DMD: variants seen among roughly 807,000 people sequenced by gnomAD.
DMD encodes dystrophin.
DMD carries 63 observed loss-of-function variants against 330.1 expected under a neutral mutation model. That is an observed-to-expected ratio of 0.19 (90% CI 0.16 to 0.24). The LOEUF (loss-of-function observed/expected upper bound fraction) is 0.24, where lower values mean the gene tolerates loss of function less well. Among genes scored for constraint, DMD ranks in the 10% least tolerant of loss-of-function variants. The probability of loss-of-function intolerance (pLI) is 1.00; values close to 1 mark genes in which losing one functional copy is unlikely to be tolerated. For synonymous variants in DMD, 1,223 were observed against 959.8 expected, an observed-to-expected ratio of 1.27 and a Z score of -5.07; for missense variants, 3,344 against 2,684.1, an observed-to-expected ratio of 1.25 and a Z score of -5.43.
intron 25 of DMD, among the ~76,000 whole-genome samples, chrX:32,456,845 G>A (rs1191660656): frequency 9.3e-6 from 1 of 107,356 alleles, no homozygotes; most frequent in East Asian, 2.9e-4. Flanking sequence ...GTATACATCA[G>A]GAATTTTGTT....
chrX:31,645,459 A>G (rs1466873047), intron 54 of DMD, among the ~76,000 whole-genome samples: 1 of 112,412 alleles, frequency 8.9e-6, no homozygotes, highest in Non-Finnish European at 1.9e-5. Context: ...TGGAGGAGTC[A>G]TAGAAAAAAA....
At chrX:32,799,588 G>C (rs2076400020) in intron 7 of DMD, among the ~76,000 whole-genome samples, 1 of 104,790 alleles carries the variant, frequency 9.5e-6, no homozygotes, top group African/African-American at 3.8e-5. Flanking sequence ...TCTTAATATA[G>C]GGAGGATTTT....
At chrX:32,713,538 G>A (rs1326164309) in intron 7 of DMD, among the ~76,000 whole-genome samples, 2 of 111,559 alleles carry the variant, frequency 1.8e-5, no homozygotes, top group African/African-American at 6.5e-5. Context: ...TTTCCTTTCA[G>A]CTACTATATA....
intron 2 of DMD, chrX:32,960,350 G>T (rs2147030273): frequency 9.0e-6 from 1 of 110,899 alleles, no homozygotes; most frequent in South Asian, 3.9e-4. Context: ...GCACAGACCT[G>T]AACAAAAAAC....
intron 60 of DMD, among the ~76,000 whole-genome samples, chrX:31,389,929 G>A (rs766327017): frequency 1.3e-4 from 15 of 111,906 alleles, no homozygotes; most frequent in African/African-American, 4.2e-4. Flanking sequence ...GTGCTTGAGT[G>A]CCATTCTAGA....
chrX:32,913,982 C>G (rs1376187100), intron 2 of DMD, among the ~76,000 whole-genome samples: 4 of 111,553 alleles, frequency 3.6e-5, no homozygotes, highest in Non-Finnish European at 5.6e-5. Context: ...CCTTACTTCC[C>G]CTGCCTCCCA....
intron 47 of DMD, among the ~76,000 whole-genome samples, chrX:31,881,538 C>T (rs1252437394): frequency 1.8e-5 from 2 of 112,268 alleles, no homozygotes; most frequent in Non-Finnish European, 3.8e-5. Flanking sequence ...CACCGACTCA[C>T]CCAGAGCAAC....
intron 39 of DMD, among the ~76,000 whole-genome samples, chrX:32,344,898 G>A (rs1465243679): frequency 1.8e-5 from 2 of 111,270 alleles, no homozygotes; most frequent in African/African-American, 6.5e-5. Context: ...GCACTCCCTC[G>A]AGGAAGAGGC....
intron 9 of DMD, among the ~76,000 whole-genome samples, chrX:32,687,195 G>C (rs1391247339): frequency 8.9e-6 from 1 of 111,997 alleles, no homozygotes; most frequent in Non-Finnish European, 1.9e-5. Flanking sequence ...ATCTGTACAA[G>C]CTTACCTAAA....
intron 74 of DMD, among the ~76,000 whole-genome samples, chrX:31,167,847 G>T (rs1391664865): frequency 8.9e-6 from 1 of 111,839 alleles, no homozygotes. Context: ...TAAGTACTCT[G>T]GAGGATATGA....
chrX:32,565,556 G>T, intron 16 of DMD, 146 bp downstream of exon 16: 1 of 563,521 alleles, frequency 1.8e-6, no homozygotes, highest in South Asian at 3.0e-5. Context: ...CAACAAGACA[G>T]GCAAAAGAAT....
At chrX:31,242,785 T>C (rs991538221) in intron 63 of DMD, among the ~76,000 whole-genome samples, 1 of 109,531 alleles carries the variant, frequency 9.1e-6, no homozygotes, top group Non-Finnish European at 1.9e-5. Flanking sequence ...ACCTAAGACA[T>C]CTAAAGTAAC....
intron 21 of DMD, among the ~76,000 whole-genome samples, chrX:32,476,978 A>G (rs2041304466): frequency 1.8e-5 from 2 of 111,513 alleles, no homozygotes; most frequent in African/African-American, 6.5e-5. Context: ...ATCTTAAAAG[A>G]CCTCGAGAGT....
At position 32,027,754 on chromosome X, in the gene DMD, C is replaced by T. The variant is rs186119557; in HGVS notation, c.6439-59240G>A. On this transcript the variant is annotated intron_variant, in intron 44 of 78. Transcript: ENST00000357033. ...GGAATAATGCGAGTGCTGTCAAATGCCTACTAAAGGACTGATGTAGCTATC... is the reference window on the plus strand; with the variant it reads ...GGAATAATGCGAGTGCTGTCAAATGTCTACTAAAGGACTGATGTAGCTATC... Among the ~76,000 whole-genome samples the T allele has an allele frequency of 1.1e-4, 12 of 112,170 alleles. No individual in the cohort carries two copies. The East Asian group carries it at 3.4e-3, about 32-fold the overall frequency.
At chrX:32,998,520 C>A (rs897625528) in intron 2 of DMD, among the ~76,000 whole-genome samples, 2 of 109,765 alleles carry the variant, frequency 1.8e-5, no homozygotes, top group African/African-American at 6.6e-5. Flanking sequence ...GAGCAAATGG[C>A]TTTTGTAAAG....
intron 9 of DMD, among the ~76,000 whole-genome samples, chrX:32,666,818 A>G (rs777512411): frequency 2.0e-5 from 2 of 99,389 alleles, no homozygotes; most frequent in Admixed American, 1.1e-4. Context: ...CAGAGCAATA[A>G]TCTGTCTCCA....
intron 16 of DMD, among the ~76,000 whole-genome samples, chrX:32,556,833 T>G (rs1182183464): frequency 8.9e-6 from 1 of 112,043 alleles, no homozygotes; most frequent in East Asian, 2.8e-4. Context: ...TTTCAACTTC[T>G]TGCCTTTTGA....
intron 54 of DMD, among the ~76,000 whole-genome samples, chrX:31,648,270 TAAAGG>T (rs2080219146): frequency 9.0e-6 from 1 of 111,058 alleles, no homozygotes; most frequent in African/African-American, 3.3e-5. Context: ...TCACTTGTAC[TAAAGG>T]AAAGAAGTTA....
At chrX:32,487,062 C>G (rs1037058060) in intron 20 of DMD, among the ~76,000 whole-genome samples, 2 of 110,719 alleles carry the variant, frequency 1.8e-5, no homozygotes, top group Non-Finnish European at 3.8e-5. Flanking sequence ...AGTGAACAGG[C>G]AACCTACAAA....
Sources: allele counts gnomAD v4.1 joint callset (sites outside exome capture counted in the v4.1 genomes callset), GRCh38; gene constraint gnomAD v4.1.1; transcripts MANE v1.5; gene names NCBI Gene and HGNC (gene_info 2026-07-23, HGNC 2026-07-21).